Variants in NTRK3 observed in about 807,000 individuals in gnomAD.
NTRK3 encodes neurotrophic receptor tyrosine kinase 3.
Under a neutral mutation model 91.7 loss-of-function variants are expected in NTRK3, and 24 were observed. The observed-to-expected ratio is 0.26, with a 90% confidence interval of 0.19 to 0.37. NTRK3 has a LOEUF of 0.37. Among genes scored for constraint, NTRK3 ranks in the 10% least tolerant of loss-of-function variants. NTRK3 has a pLI of 1.00. For missense variants in NTRK3, 880 were observed against 1,068.9 expected (o/e 0.82, Z 2.46); for synonymous variants, 483 against 404.0 (o/e 1.20, Z -2.34).
chr15:88,131,416 G>A (rs2041332914), intron 10 of NTRK3, among the ~76,000 whole-genome samples: 1 of 152,148 alleles, frequency 6.6e-6, no homozygotes, highest in Non-Finnish European at 1.5e-5. Flanking sequence ...ACGCAGTTCG[G>A]TTGCTTGTTT....
intron 14 of NTRK3, among the ~76,000 whole-genome samples, chr15:87,987,200 T>G (rs915429357): frequency 3.3e-5 from 5 of 152,248 alleles, no homozygotes; most frequent in Non-Finnish European, 1.5e-5. Context: ...TTTAGTGTAA[T>G]TGAATCCTTA....
intron 17 of NTRK3, among the ~76,000 whole-genome samples, chr15:87,896,561 T>A (rs994375338): frequency 2.0e-5 from 3 of 152,146 alleles, no homozygotes; most frequent in African/African-American, 7.2e-5. Context: ...GACAGTTCTA[T>A]AGTTTTCCTT....
intron 13 of NTRK3, among the ~76,000 whole-genome samples, chr15:88,111,318 T>C (rs771036924): frequency 9.2e-5 from 14 of 152,168 alleles, no homozygotes; most frequent in Non-Finnish European, 1.9e-4. Flanking sequence ...GAAGTACTAA[T>C]ACTTGCATCC....
intron 13 of NTRK3, among the ~76,000 whole-genome samples, chr15:88,075,152 C>T (rs1245005694): frequency 6.6e-6 from 1 of 152,170 alleles, no homozygotes; most frequent in African/African-American, 2.4e-5. Context: ...CTGCAGTGTG[C>T]ATCCCTCAGC....
At chr15:88,106,923 A>C (rs920236048) in intron 13 of NTRK3, among the ~76,000 whole-genome samples, 1 of 150,498 alleles carries the variant, frequency 6.6e-6, no homozygotes, top group Non-Finnish European at 1.5e-5. Context: ...ACAGAGCAAG[A>C]CTCTGTCTCA....
chr15:87,878,921 G>GTT (rs1432157939), intron 18 of NTRK3, among the ~76,000 whole-genome samples: 1 of 148,684 alleles, frequency 6.7e-6, no homozygotes, highest in Non-Finnish European at 1.5e-5. Flanking sequence ...GTGTGTGTGT[G>GTT]TGTGTGTGTG....
intron 10 of NTRK3, among the ~76,000 whole-genome samples, chr15:88,130,940 G>A (rs1321311706): frequency 3.3e-5 from 5 of 152,216 alleles, no homozygotes; most frequent in Admixed American, 2.0e-4. Flanking sequence ...GGTTAGGTAA[G>A]ATGTTAACAT....
rs574739458 is a variant in NTRK3, at chr15:87,938,947, C to T, written c.1716+1676G>A. 2.6e-5 allele frequency among the ~76,000 whole-genome samples: 4 copies of T among 152,196 alleles called. No individual in the cohort carries two copies. The South Asian group carries it at 6.2e-4, about 24-fold the overall frequency. On this transcript the variant is annotated intron_variant, in intron 15 of 18. Coordinates refer to ENST00000394480, the Ensembl canonical transcript of NTRK3. The stretch of plus-strand genomic sequence containing the variant: ...CATTAGCCTTTTAGGATGCAGGACT[C>T]TTGTTTATTTTCTAGAGCAGAGGTC...
intron 3 of NTRK3, among the ~76,000 whole-genome samples, chr15:88,239,888 C>T (rs1337300728): frequency 1.3e-5 from 2 of 152,294 alleles, no homozygotes; most frequent in Admixed American, 6.5e-5. Context: ...GGACTCGATG[C>T]GAATTCTCAG....
chr15:87,938,595 C>T (rs1437831014), intron 15 of NTRK3, among the ~76,000 whole-genome samples: 6 of 152,198 alleles, frequency 3.9e-5, no homozygotes, highest in Admixed American at 2.6e-4. Context: ...CTGCATTACT[C>T]GGTCTGGGTA....
chr15:88,002,429 T>A (rs959433832), intron 14 of NTRK3, among the ~76,000 whole-genome samples: 5 of 152,032 alleles, frequency 3.3e-5, no homozygotes, highest in Admixed American at 3.3e-4. Flanking sequence ...CCAGCCCTCA[T>A]CCCTGATGAC....
chr15:87,894,344 G>A (rs746272720), intron 17 of NTRK3, among the ~76,000 whole-genome samples: 2 of 152,210 alleles, frequency 1.3e-5, no homozygotes, highest in African/African-American at 2.4e-5. Context: ...GAATTCACTT[G>A]CATGGCTGCA....
At chr15:88,055,967 T>C (rs2045635699) in intron 13 of NTRK3, among the ~76,000 whole-genome samples, 1 of 151,968 alleles carries the variant, frequency 6.6e-6, no homozygotes, top group Non-Finnish European at 1.5e-5. Flanking sequence ...CCGAAGCCAC[T>C]GGCAAAGAAA....
At chr15:88,061,014 T>C (rs2046166641) in intron 13 of NTRK3, among the ~76,000 whole-genome samples, 1 of 152,088 alleles carries the variant, frequency 6.6e-6, no homozygotes, top group Non-Finnish European at 1.5e-5. Context: ...AAAAAAAAGT[T>C]GTTTTTAATT....
exon 19 of NTRK3, chr15:87,868,763 A>C (rs1596034867): frequency 4.5e-6 from 1 of 223,648 alleles, no homozygotes; most frequent in African/African-American, 2.2e-5. Context: ...TCTGGAGCCA[A>C]CCACTCCTTA....
At chr15:87,876,860 T>C (rs1596046071) in exon 19 of NTRK3, 2 of 1,512,100 alleles carry the variant, frequency 1.3e-6, no homozygotes, top group South Asian at 1.1e-5. Flanking sequence ...ATGGAAGGAG[T>C]TGTGAGGTGG....
intron 5 of NTRK3, among the ~76,000 whole-genome samples, chr15:88,170,166 A>G (rs576216643): frequency 4.6e-5 from 7 of 152,302 alleles, no homozygotes; most frequent in African/African-American, 1.7e-4. Context: ...CAGGACCCCA[A>G]GGGCCATTGT....
chr15:88,195,103 G>T (rs2047705851), intron 3 of NTRK3, among the ~76,000 whole-genome samples: 1 of 152,194 alleles, frequency 6.6e-6, no homozygotes, highest in South Asian at 2.1e-4. Context: ...CGGTGCCACT[G>T]GTGTCTAGCG....
At chr15:88,230,397 C>G (rs144424986) in intron 3 of NTRK3, among the ~76,000 whole-genome samples, 1 of 152,152 alleles carries the variant, frequency 6.6e-6, no homozygotes, top group East Asian at 1.9e-4. Context: ...ATTTTGGATT[C>G]AGAGATCATG....
Sources: gnomAD v4.1 joint callset for allele counts (sites outside exome capture counted in the v4.1 genomes callset) on GRCh38, gnomAD v4.1.1 for gene constraint, MANE v1.5 for transcripts, NCBI Gene and HGNC (gene_info 2026-07-23, HGNC 2026-07-21) for gene names.